Variants in EYS observed in about 807,000 individuals in gnomAD.
EYS encodes EGF-like photoreceptor maintenance factor, also known as protein eyes shut homolog.
Under a neutral mutation model 282.1 loss-of-function variants are expected in EYS, and 250 were observed. That is an observed-to-expected ratio of 0.89 (90% CI 0.80 to 0.98). The LOEUF is 0.98. Among genes scored for constraint, EYS ranks in the 50% least tolerant of loss-of-function variants. The pLI, the probability that EYS is intolerant of heterozygous loss-of-function variation, is 0.00. For missense variants in EYS, 4,016 were observed against 3,709.0 expected, an observed-to-expected ratio of 1.08 and a Z score of -2.15; for synonymous variants, 1,355 against 1,282.9, an observed-to-expected ratio of 1.06 and a Z score of -1.20.
chr6:64,236,273 C>T (rs957391229), intron 30 of EYS, among the ~76,000 whole-genome samples: 17 of 152,064 alleles, frequency 1.1e-4, no homozygotes, highest in Admixed American at 4.6e-4. Flanking sequence ...GTACCTGGCC[C>T]CTTTATTCAT....
In EYS at chr6:64,752,468, T is replaced by C. The variant is rs149871065; in HGVS notation, c.3443+60910A>G. Among the ~76,000 whole-genome samples, 11 of 152,140 alleles carry C rather than the reference T, an allele frequency of 7.2e-5. No individual in the cohort carries two copies. The East Asian group carries it at 1.7e-3, about 24-fold the overall frequency. ...CCAGTCAGACAAAAATAAAGAAGAA[T>C]ATTAAAATATAAACACTGCATTCAA... On this transcript the variant is annotated intron_variant, in intron 22 of 42. Transcript: ENST00000503581.
At chr6:65,676,969 T>C (rs1582592065) in intron 1 of EYS, among the ~76,000 whole-genome samples, 1 of 150,978 alleles carries the variant, frequency 6.6e-6, no homozygotes, top group South Asian at 2.1e-4. Context: ...ATCACCTTCA[T>C]AGATGTAGAA....
At chr6:64,448,133 C>T (rs772161208) in intron 26 of EYS, among the ~76,000 whole-genome samples, 1 of 152,180 alleles carries the variant, frequency 6.6e-6, no homozygotes, top group Non-Finnish European at 1.5e-5. Context: ...CAGATGGCAC[C>T]TGGAAAATCG....
At chr6:65,316,367 T>C (rs956517387) in intron 11 of EYS, among the ~76,000 whole-genome samples, 2 of 152,154 alleles carry the variant, frequency 1.3e-5, no homozygotes, top group Non-Finnish European at 2.9e-5. Flanking sequence ...TATCTTCTAA[T>C]TGATTTATTA....
intron 32 of EYS, among the ~76,000 whole-genome samples, chr6:64,067,417 A>G (rs1190158800): frequency 6.6e-6 from 1 of 152,142 alleles, no homozygotes; most frequent in Non-Finnish European, 1.5e-5. Flanking sequence ...AGTAACCACT[A>G]TCTTGATGTT....
intron 2 of EYS, among the ~76,000 whole-genome samples, chr6:65,604,078 T>G (rs1329094207): frequency 6.6e-6 from 1 of 151,904 alleles, no homozygotes; most frequent in Admixed American, 6.6e-5. Context: ...TACTGACTTA[T>G]TATGTCCTCA....
intron 1 of EYS, among the ~76,000 whole-genome samples, chr6:65,650,339 C>T (rs1767609837): frequency 1.3e-5 from 2 of 152,168 alleles, no homozygotes; most frequent in South Asian, 4.1e-4. Context: ...TAAGGCTATA[C>T]TCATAACAGA....
At chr6:63,861,726 T>A (rs1389034730) in intron 36 of EYS, among the ~76,000 whole-genome samples, 1 of 152,154 alleles carries the variant, frequency 6.6e-6, no homozygotes, top group Non-Finnish European at 1.5e-5. Context: ...GTTTCATAAA[T>A]GGGATTAGTG....
intron 31 of EYS, among the ~76,000 whole-genome samples, chr6:64,139,735 C>T (rs1161001924): frequency 6.6e-6 from 1 of 151,886 alleles, no homozygotes; most frequent in Non-Finnish European, 1.5e-5. Context: ...CTTTGGGAGG[C>T]CGAGGTGGAA....
At chr6:64,296,572 ATATATATATATACATATATATATATAT>A (rs1769012198) in intron 30 of EYS, among the ~76,000 whole-genome samples, 3 of 6,022 alleles carry the variant, frequency 5.0e-4, no homozygotes, top group East Asian at 2.7e-3. Context: ...ATATATATAT[ATATATATATATACATATATATATATAT>A]TTTTTTTTTT....
intron 33 of EYS, among the ~76,000 whole-genome samples, chr6:64,027,298 CCTT>C (rs1347975287): frequency 6.6e-6 from 1 of 152,130 alleles, no homozygotes; most frequent in Non-Finnish European, 1.5e-5. Context: ...GGAAGAAAAT[CCTT>C]CTGCCTTCCT....
At chr6:64,465,760 A>G (rs1373491227) in intron 26 of EYS, among the ~76,000 whole-genome samples, 1 of 152,036 alleles carries the variant, frequency 6.6e-6, no homozygotes, top group African/African-American at 2.4e-5. Flanking sequence ...ATGAGATTAC[A>G]TCAAATTAAA....
chr6:65,083,152 C>T (rs1215909193), intron 12 of EYS, among the ~76,000 whole-genome samples: 2 of 151,922 alleles, frequency 1.3e-5, no homozygotes, highest in Non-Finnish European at 2.9e-5. Context: ...AAGCAGGAAA[C>T]ATAATTGCAT....
intron 36 of EYS, among the ~76,000 whole-genome samples, chr6:63,851,205 A>T (rs1772241631): frequency 6.6e-6 from 1 of 152,220 alleles, no homozygotes; most frequent in Non-Finnish European, 1.5e-5. Context: ...AGAGACTTAG[A>T]TTCGCACACA....
chr6:64,916,451 ATAAAGT>A (rs1337453464), intron 15 of EYS, among the ~76,000 whole-genome samples: 1 of 152,220 alleles, frequency 6.6e-6, no homozygotes, highest in Non-Finnish European at 1.5e-5. Flanking sequence ...TTTATAGAAA[ATAAAGT>A]TCCGAGGAAC....
chr6:64,106,962 C>A (rs932603435), intron 31 of EYS, among the ~76,000 whole-genome samples: 2 of 151,514 alleles, frequency 1.3e-5, no homozygotes, highest in African/African-American at 4.8e-5. Flanking sequence ...GTCTACTAAG[C>A]CCATAATGGC....
chr6:63,872,361 CAT>C (rs1373406167), intron 35 of EYS, among the ~76,000 whole-genome samples: 11 of 150,924 alleles, frequency 7.3e-5, no homozygotes, highest in East Asian at 1.9e-4. Flanking sequence ...TGTAAGTGTG[CAT>C]GTGTGTGTGT....
chr6:65,226,057 T>A (rs1198707460), intron 12 of EYS, among the ~76,000 whole-genome samples: 2 of 151,964 alleles, frequency 1.3e-5, no homozygotes, highest in Non-Finnish European at 2.9e-5. Flanking sequence ...GATATCTCTA[T>A]TAGAAATAAA....
At chr6:64,624,728 T>C (rs1271606445) in intron 23 of EYS, among the ~76,000 whole-genome samples, 1 of 152,176 alleles carries the variant, frequency 6.6e-6, no homozygotes, top group Non-Finnish European at 1.5e-5. Flanking sequence ...ATTCACTAGT[T>C]TGTATGACTT....
Sources: allele counts gnomAD v4.1 joint callset (sites outside exome capture counted in the v4.1 genomes callset), GRCh38; gene constraint gnomAD v4.1.1; transcripts MANE v1.5; gene names NCBI Gene and HGNC (gene_info 2026-07-23, HGNC 2026-07-21).